Variants in HTR2C observed in about 807,000 individuals in gnomAD.
HTR2C encodes 5-hydroxytryptamine (serotonin) receptor 2C, G protein-coupled.
Under a neutral mutation model 21.0 loss-of-function variants are expected in HTR2C, and 5 were observed. The ratio of observed to expected loss-of-function variants is 0.24; its 90% CI spans 0.12 to 0.50. HTR2C has a LOEUF of 0.50. Among genes scored for constraint, HTR2C ranks in the 20% least tolerant of loss-of-function variants. The pLI, the probability that HTR2C is intolerant of heterozygous loss-of-function variation, is 0.98. For missense variants in HTR2C, 271 were observed against 371.2 expected (o/e 0.73, Z 2.22); for synonymous variants, 150 against 145.3 (o/e 1.03, Z -0.23).
chrX:114,820,407 T>A (rs782487479), intron 4 of HTR2C, among the ~76,000 whole-genome samples: 10 of 109,911 alleles, frequency 9.1e-5, no homozygotes, highest in Admixed American at 3.9e-4. Context: ...TGAAAAACTT[T>A]TAGGGAAATC....
chrX:114,736,125 G>A (rs952605482), intron 4 of HTR2C, among the ~76,000 whole-genome samples: 1 of 108,199 alleles, frequency 9.2e-6, no homozygotes, highest in Non-Finnish European at 1.9e-5. Flanking sequence ...AAAAAAAAAA[G>A]AGAAAAGAAA....
chrX:114,598,938 C>G (rs782703601), intron 1 of HTR2C, among the ~76,000 whole-genome samples: 22 of 68,928 alleles, frequency 3.2e-4, no homozygotes, highest in African/African-American at 2.9e-4. Context: ...GGTCATACAG[C>G]TAATTATTGG....
At chrX:114,729,827 C>G (rs1328744761) in intron 3 of HTR2C, among the ~76,000 whole-genome samples, 1 of 111,226 alleles carries the variant, frequency 9.0e-6, no homozygotes, top group Non-Finnish European at 1.9e-5. Context: ...CACATAGACT[C>G]TGAATGTTAT....
At chrX:114,744,515 T>C (rs1347010628) in intron 4 of HTR2C, among the ~76,000 whole-genome samples, 7 of 108,096 alleles carry the variant, frequency 6.5e-5, no homozygotes, top group Non-Finnish European at 1.2e-4. Flanking sequence ...TGCAATGGCT[T>C]GATCTCGGCT....
intron 2 of HTR2C, among the ~76,000 whole-genome samples, chrX:114,658,305 T>G (rs1160279743): frequency 8.9e-6 from 1 of 111,746 alleles, no homozygotes; most frequent in African/African-American, 3.2e-5. Flanking sequence ...TTTCTAATCC[T>G]AAATGACTGA....
intron 2 of HTR2C, among the ~76,000 whole-genome samples, chrX:114,683,916 C>T (rs1931831655): frequency 8.9e-6 from 1 of 112,076 alleles, no homozygotes; most frequent in Non-Finnish European, 1.9e-5. Flanking sequence ...ATCTTTTTTA[C>T]ACTTAAAAAT....
intron 1 of HTR2C, among the ~76,000 whole-genome samples, chrX:114,590,937 T>C (rs1323812336): frequency 9.0e-6 from 1 of 111,721 alleles, no homozygotes; most frequent in Non-Finnish European, 1.9e-5. Context: ...GAAGCGCAAG[T>C]TTTCTTTTTA....
At chrX:114,858,037 C>G (rs2070977078) in intron 5 of HTR2C, among the ~76,000 whole-genome samples, 1 of 110,826 alleles carries the variant, frequency 9.0e-6, no homozygotes, top group South Asian at 3.8e-4. Context: ...TTCTCCTGGG[C>G]TATAAGTTCT....
At chrX:114,782,397 T>C (rs143877169) in intron 4 of HTR2C, among the ~76,000 whole-genome samples, 1 of 111,613 alleles carries the variant, frequency 9.0e-6, no homozygotes, top group African/African-American at 3.3e-5. Flanking sequence ...ATAATTCTAA[T>C]GAAATATTGA....
chrX:114,763,733 T>G (rs2069906354), intron 4 of HTR2C, among the ~76,000 whole-genome samples: 1 of 110,520 alleles, frequency 9.0e-6, no homozygotes, highest in Non-Finnish European at 1.9e-5. Context: ...TTTTTCTTTT[T>G]AATGGATAGA....
chrX:114,882,859 G>A (rs1556480160), intron 5 of HTR2C, among the ~76,000 whole-genome samples: 1 of 110,531 alleles, frequency 9.0e-6, no homozygotes, highest in African/African-American at 3.3e-5. Context: ...GTTAAGAACT[G>A]TTTCTTTCTC....
chrX:114,771,434 G>A (rs1469457017), intron 4 of HTR2C, among the ~76,000 whole-genome samples: 2 of 111,763 alleles, frequency 1.8e-5, no homozygotes, highest in African/African-American at 6.5e-5. Flanking sequence ...TAAATGCTAT[G>A]AGCCAGTTTT....
chrX:114,731,582 C>A lies in HTR2C; in HGVS notation c.324C>A (p.Pro108=). Residue 108 remains proline, a synonymous_variant, in exon 4 of 6, where the codon CCC becomes CCA. Coordinates refer to ENST00000276198, the MANE Select transcript of HTR2C (RefSeq NM_000868.4). ...ADMLVGLLVM[P]LSLLAILYDY... ...TGCTAGTGGGACTACTTGTCATGCC[C>A]CTGTCTCTCCTGGCAATCCTTTATG... 1 of 1,192,653 alleles carries A rather than the reference C, an allele frequency of 8.4e-7. No individual in the cohort carries two copies. Among genetic ancestry groups the A allele is most frequent in the Non-Finnish European group, 1.1e-6 (1 of 880,383 alleles).
intron 5 of HTR2C, among the ~76,000 whole-genome samples, chrX:114,889,704 G>T (rs782335781): frequency 1.3e-4 from 15 of 111,855 alleles, no homozygotes; most frequent in Non-Finnish European, 2.3e-4. Context: ...CTCCAAGTCA[G>T]ATGAAAGGAA....
At position 114,737,118 on chromosome X, in the gene HTR2C, A is replaced by T. The variant is rs1048631682; in HGVS notation, c.349+5511A>T. On this transcript the variant is annotated intron_variant, in intron 4 of 5. Transcript: ENST00000276198. The stretch of plus-strand genomic sequence containing the variant: ...AAAAGAAAGCACAAAGCAGAAAAAA[A>T]AAATAATAAAGATAAGAGCAGTAAT... Among the ~76,000 whole-genome samples, 25 of 111,365 alleles carry T rather than the reference A, an allele frequency of 2.2e-4. No individual in the cohort carries two copies. In the East Asian group the frequency reaches 7.0e-3, roughly 31 times the overall value.
Position 114,739,825 on chromosome X carries a change from G to T in HTR2C, c.349+8218G>T, listed in dbSNP as rs186120679. On this transcript the variant is annotated intron_variant, in intron 4 of 5. Coordinates refer to ENST00000276198, the MANE Select transcript of HTR2C (RefSeq NM_000868.4). ...TGGATTTTTTAAATATATTTTATAG[G>T]CCAGGTGCGGCAGCTCACACCTATA... 4.8e-3 allele frequency among the ~76,000 whole-genome samples: 538 copies of T among 111,480 alleles called. 4 individuals carry two copies. The highest frequency in any genetic ancestry group is 0.016 in the African/African-American group (503 of 30,697).
chrX:114,693,492 A>C lies in HTR2C; in HGVS notation c.-79-33366A>C, dbSNP rs184936050. 4.3e-3 allele frequency among the ~76,000 whole-genome samples: 478 copies of C among 111,922 alleles called. 3 individuals are homozygous for C. The highest frequency in any genetic ancestry group is 0.014 in the African/African-American group (443 of 30,860). ...AATAAAAAGAGATTAAGTCATGGAC[A>C]AGGTATAGCTAGACCAGGGTTTCTC... On this transcript the variant is annotated intron_variant, in intron 2 of 5. Transcript: ENST00000276198.
chrX:114,874,530 G>A (rs1347340515), intron 5 of HTR2C, among the ~76,000 whole-genome samples: 1 of 108,728 alleles, frequency 9.2e-6, no homozygotes, highest in Non-Finnish European at 1.9e-5. Context: ...TTTTTTTGAG[G>A]CGAAGTCTCG....
intron 2 of HTR2C, among the ~76,000 whole-genome samples, chrX:114,726,467 AC>A (rs1298893023): frequency 5.4e-5 from 6 of 111,852 alleles, no homozygotes; most frequent in African/African-American, 1.9e-4. Context: ...TGCAGAAATC[AC>A]CCTTCTTCTG....
Sources: allele counts gnomAD v4.1 joint callset (sites outside exome capture counted in the v4.1 genomes callset), GRCh38; gene constraint gnomAD v4.1.1; transcripts MANE v1.5; gene names NCBI Gene and HGNC (gene_info 2026-07-23, HGNC 2026-07-21).